CD44: variants seen among roughly 807,000 people sequenced by gnomAD.
The protein encoded by CD44 is CD44 molecule (IN blood group), also known as CD44 antigen.
A neutral mutation model predicts 88.8 loss-of-function variants in CD44; 49 were observed. The ratio of observed to expected loss-of-function variants is 0.55; its 90% confidence interval spans 0.44 to 0.70. The LOEUF (loss-of-function observed/expected upper bound fraction) is 0.70. Among genes scored for constraint, CD44 ranks in the 30% least tolerant of loss-of-function variants. The pLI, the probability that CD44 is intolerant of heterozygous loss-of-function variation, is 0.00. For synonymous variants in CD44, 325 were observed against 312.3 expected, an observed-to-expected ratio of 1.04 and a Z score of -0.43; for missense variants, 883 against 913.8, an observed-to-expected ratio of 0.97 and a Z score of 0.43.
chr11:35,169,313 G>C (rs1466032124), intron 1 of CD44, among the ~76,000 whole-genome samples: 1 of 151,964 alleles, frequency 6.6e-6, no homozygotes, highest in African/African-American at 2.4e-5. Flanking sequence ...GGAATTTCTG[G>C]TTACTAGAGA....
intron 17 of CD44, among the ~76,000 whole-genome samples, chr11:35,221,990 C>T (rs1949341069): frequency 6.6e-6 from 1 of 152,302 alleles, no homozygotes; most frequent in African/African-American, 2.4e-5. Context: ...CAGGAGACAC[C>T]TGTGATTGTT....
At chr11:35,179,108 A>G (rs904630970) in intron 2 of CD44, among the ~76,000 whole-genome samples, 8 of 152,354 alleles carry the variant, frequency 5.3e-5, no homozygotes, top group Admixed American at 1.3e-4. Flanking sequence ...GAAATTAGTC[A>G]TGCGAGCTAC....
intron 15 of CD44, among the ~76,000 whole-genome samples, chr11:35,216,158 C>T (rs1948816758): frequency 6.6e-6 from 1 of 151,754 alleles, no homozygotes; most frequent in African/African-American, 2.4e-5. Flanking sequence ...CATAATTACT[C>T]CCAGGCATGA....
Position 35,201,693 on chromosome 11 carries a change from T to C in CD44, c.1059T>C (p.Thr353=), listed in dbSNP as rs750606913. The C allele has an allele frequency of 6.2e-7, 1 of 1,613,866 alleles. No individual in the cohort carries two copies. The highest frequency in any genetic ancestry group is 2.2e-5 in the East Asian group (1 of 44,856). ...CAGATGTAGACAGAAATGGCACCAC[T>C]GCTTATGAAGGAAACTGGAACCCAG... ...RMTDVDRNGT[T]AYEGNWNPEA... is the part of the protein sequence containing the mutation. Residue 353 remains threonine (T), a synonymous_variant, in exon 9 of 18, where the codon ACT becomes ACC. Transcript: ENST00000428726.
chr11:35,153,243 A>T lies in CD44; in HGVS notation c.67+13873A>T, dbSNP rs190008988. ...AACTAAACAAGAAGACAATGATCTG[A>T]TCAGGACAAGAAGACTTGGAGTACA... On this transcript the variant is annotated intron_variant, in intron 1 of 17. Coordinates refer to ENST00000428726, the MANE Select transcript of CD44 (RefSeq NM_000610.4). Among the ~76,000 whole-genome samples, 6 of 152,294 alleles carry T rather than the reference A, an allele frequency of 3.9e-5. No individual in the cohort carries two copies. The East Asian group carries it at 1.2e-3, about 29-fold the overall frequency.
At chr11:35,144,069 G>A (rs1337781721) in intron 1 of CD44, among the ~76,000 whole-genome samples, 2 of 152,242 alleles carry the variant, frequency 1.3e-5, no homozygotes, top group Admixed American at 1.3e-4. Context: ...AACCCAGTGT[G>A]TGGCTCTAGG....
At chr11:35,186,409 A>G (rs1307478179) in intron 3 of CD44, among the ~76,000 whole-genome samples, 1 of 152,160 alleles carries the variant, frequency 6.6e-6, no homozygotes, top group Non-Finnish European at 1.5e-5. Flanking sequence ...TTTTCTCATG[A>G]TAGTTCATAC....
chr11:35,230,276 T>C lies in CD44; in HGVS notation c.*943T>C, dbSNP rs1048171256. 5 of 151,980 alleles carry C rather than the reference T, an allele frequency of 3.3e-5. No individual in the cohort carries two copies. The highest frequency in any genetic ancestry group is 1.2e-4 in the African/African-American group (5 of 41,364). The allele number at this position is 151,980 out of a possible 1,614,324, so 9.4% of individuals were successfully genotyped here. Reference sequence around the variant, plus strand: ...TTTCCATCCTGTCCTGGAATCAGAGTTGGAAGCTGAGGAGCTTCAGCCTCT... The same window carrying C: ...TTTCCATCCTGTCCTGGAATCAGAGCTGGAAGCTGAGGAGCTTCAGCCTCT... On this transcript the variant is annotated 3_prime_UTR_variant, in exon 18 of 18. Transcript: ENST00000428726.
intron 1 of CD44, among the ~76,000 whole-genome samples, chr11:35,142,330 C>T (rs899133460): frequency 6.6e-6 from 1 of 152,132 alleles, no homozygotes; most frequent in African/African-American, 2.4e-5. Context: ...ACAAATCATG[C>T]TGCTATAAAG....
At chr11:35,179,689 GC>G (rs1944806172) in intron 2 of CD44, among the ~76,000 whole-genome samples, 1 of 152,190 alleles carries the variant, frequency 6.6e-6, no homozygotes, top group South Asian at 2.1e-4. Context: ...GAGGCAGTGT[GC>G]TGTGCTGTGT....
Position 35,201,768 on chromosome 11 carries a change from C to T in CD44, c.1134C>T (p.Thr378=). The part of the protein sequence containing the change: ...IHHEHHEEEE[T]PHSTSTIQAT... ...ATGAGCATCATGAGGAAGAAGAGAC[C>T]CCACATTCTACAAGCACAAGTAAGC... The change falls in exon 9 of 18, where the codon ACC becomes ACT. Residue 378 remains threonine (T), a synonymous_variant. Transcript: ENST00000428726. 6.2e-7 allele frequency: 1 copy of T among 1,613,650 alleles called. No individual in the cohort carries two copies. Among genetic ancestry groups the T allele is most frequent in the Non-Finnish European group, 8.5e-7 (1 of 1,179,680 alleles).
intron 1 of CD44, among the ~76,000 whole-genome samples, chr11:35,145,267 A>G (rs1858891580): frequency 6.6e-6 from 1 of 152,246 alleles, no homozygotes; most frequent in East Asian, 1.9e-4. Context: ...ATATTGACCC[A>G]TAACTGTTGA....
chr11:35,145,526 G>T (rs915335619), intron 1 of CD44, among the ~76,000 whole-genome samples: 4 of 152,018 alleles, frequency 2.6e-5, no homozygotes, highest in African/African-American at 9.7e-5. Flanking sequence ...TGACCGCTGG[G>T]GACATCTGGC....
At chr11:35,146,428 A>G (rs1458554126) in intron 1 of CD44, among the ~76,000 whole-genome samples, 1 of 152,198 alleles carries the variant, frequency 6.6e-6, no homozygotes, top group African/African-American at 2.4e-5. Context: ...TTCTGTTTGC[A>G]TCTTTGCACA....
At chr11:35,207,564 T>A (rs1397261533) in intron 11 of CD44, among the ~76,000 whole-genome samples, 1 of 152,244 alleles carries the variant, frequency 6.6e-6, no homozygotes, top group Non-Finnish European at 1.5e-5. Flanking sequence ...TGACGTCCAC[T>A]GCTTCTTATT....
At chr11:35,157,943 C>T (rs1554950659) in intron 1 of CD44, among the ~76,000 whole-genome samples, 1 of 152,198 alleles carries the variant, frequency 6.6e-6, no homozygotes, top group Non-Finnish European at 1.5e-5. Context: ...GGGCAGCTCT[C>T]TCGCCTCTGA....
intron 15 of CD44, among the ~76,000 whole-genome samples, chr11:35,215,158 A>T (rs771598797): frequency 2.0e-5 from 3 of 152,220 alleles, no homozygotes; most frequent in Non-Finnish European, 4.4e-5. Flanking sequence ...TAATACTGAC[A>T]CTGCTGGGAC....
chr11:35,226,143 A>G (rs1949676364), intron 17 of CD44, among the ~76,000 whole-genome samples: 1 of 152,252 alleles, frequency 6.6e-6, no homozygotes, highest in Non-Finnish European at 1.5e-5. Context: ...TCAGACAGAT[A>G]GAAACACATA....
rs11033019 is a variant in CD44 at position 35,180,263 on chromosome 11, T to C, written c.234-11T>C. The C allele has an allele frequency of 0.088, 141,975 of 1,613,078 alleles. 6,969 individuals are homozygous for C. The highest frequency in any genetic ancestry group is 0.11 in the African/African-American group (7,920 of 74,966). On this transcript the variant is annotated splice_polypyrimidine_tract_variant and intron_variant, in intron 2 of 17. Transcript: ENST00000428726. ...CATTTAGGTCAATATCCTGTTGTTT[T>C]TCTCTTACAGGTATGGGTTCATAGA...
Sources: allele counts gnomAD v4.1 joint callset (sites outside exome capture counted in the v4.1 genomes callset), GRCh38; gene constraint gnomAD v4.1.1; transcripts MANE v1.5; gene names NCBI Gene and HGNC (gene_info 2026-07-23, HGNC 2026-07-21).